The following FBXO11 variants were observed in gnomAD, a reference collection of about 807,000 sequenced individuals.
FBXO11 encodes F-box only protein 11.
FBXO11 carries 13 observed loss-of-function variants against 117.0 expected under a neutral mutation model. The observed-to-expected ratio is 0.11, with a 90% CI of 0.07 to 0.18. The LOEUF is 0.18. Ranked by LOEUF, FBXO11 falls within the 10% of genes least tolerant of loss-of-function variation. FBXO11 has a pLI of 1.00. For missense variants in FBXO11, 767 were observed against 1,164.4 expected (o/e 0.66, Z 4.97); for synonymous variants, 490 against 380.5 (o/e 1.29, Z -3.35).
chr2:47,874,341 C>T (rs1263259581), intron 1 of FBXO11, among the ~76,000 whole-genome samples: 1 of 152,040 alleles, frequency 6.6e-6, no homozygotes, highest in East Asian at 1.9e-4. Flanking sequence ...CTTTTCCTCT[C>T]ATGCTTTAAC....
chr2:47,905,623 G>T lies in FBXO11; in HGVS notation c.98C>A (p.Pro33Gln), dbSNP rs1558493395. ...QQQQPPQQPPPQPPQQQPPQQ... is the reference protein window; with the variant it reads ...QQQQPPQQPPQQPPQQQPPQQ... ...GGGCGGCTGCTGCTGGGGCGGCTGC[G>T]GCGGCGGCTGCTGCGGGGGCTGCTG... Residue 33 changes from proline (P) to glutamine (Q), a missense_variant, in exon 1 of 23, where the codon CCG becomes CAG. Coordinates refer to ENST00000403359, the MANE Select transcript of FBXO11 (RefSeq NM_001190274.2). 1.4e-5 allele frequency: 19 copies of T among 1,373,428 alleles called. 1 individual carries two copies. The highest frequency in any genetic ancestry group is 1.2e-4 in the South Asian group (7 of 60,718). The allele number at this position is 1,373,428 out of a possible 1,614,324, so 85.1% of individuals were successfully genotyped here. A position where few individuals can be genotyped will look rare whatever the true frequency, so the allele number is the denominator to read the frequency against.
chr2:47,874,106 T>TGGGA (rs747531191), intron 1 of FBXO11, among the ~76,000 whole-genome samples: 10 of 151,964 alleles, frequency 6.6e-5, no homozygotes, highest in Admixed American at 2.0e-4. Flanking sequence ...TCCAGCTACT[T>TGGGA]GGGAGGCTGA....
At chr2:47,890,411 T>C (rs1345126171) in intron 1 of FBXO11, among the ~76,000 whole-genome samples, 1 of 152,142 alleles carries the variant, frequency 6.6e-6, no homozygotes, top group Non-Finnish European at 1.5e-5. Context: ...CTTCCAACAT[T>C]AAAAATATGT....
chr2:47,889,986 G>A (rs1677140955), intron 1 of FBXO11, among the ~76,000 whole-genome samples: 3 of 152,058 alleles, frequency 2.0e-5, no homozygotes, highest in African/African-American at 2.4e-5. Context: ...TGCTACAGTC[G>A]CAAACTTATC....
chr2:47,833,124 G>T, intron 7 of FBXO11, 54 bp from the exon 8 acceptor site: 2 of 1,181,746 alleles, frequency 1.7e-6, no homozygotes, highest in South Asian at 1.2e-5. Flanking sequence ...CAACAGATGG[G>T]TATCTTTATG....
chr2:47,855,123 GTTAC>G (rs886848608), intron 1 of FBXO11, among the ~76,000 whole-genome samples: 3 of 151,908 alleles, frequency 2.0e-5, no homozygotes, highest in African/African-American at 7.3e-5. Flanking sequence ...TAGTGTTCAA[GTTAC>G]TTTCTTAGTA....
intron 1 of FBXO11, among the ~76,000 whole-genome samples, chr2:47,901,162 CATAT>C (rs1357826793): frequency 9.2e-6 from 1 of 108,236 alleles, no homozygotes; most frequent in African/African-American, 3.1e-5. Flanking sequence ...TACATATATA[CATAT>C]ATATGTATAT....
In FBXO11 at chr2:47,832,626, G is replaced by A. The variant is rs1672280072; in HGVS notation, c.1206C>T (p.His402=). The A allele has an allele frequency of 1.2e-6, 2 of 1,613,952 alleles. No homozygotes were observed. The highest frequency in any genetic ancestry group is 1.7e-6 in the Non-Finnish European group (2 of 1,179,958). Residue 402 remains histidine (H), a synonymous_variant, in exon 10 of 23, where the codon CAC becomes CAT. Transcript: ENST00000403359. ...CATTTTCACAGTCACTGATGTTACA[G>A]TGCTTGATGGTGGGACATGCTCCTT... The part of the protein sequence containing the change: ...SGQGACPTIK[H]CNISDCENVG...
At chr2:47,819,570 GTTCT>G (rs1470406015) in intron 14 of FBXO11, among the ~76,000 whole-genome samples, 7 of 152,034 alleles carry the variant, frequency 4.6e-5, no homozygotes, top group South Asian at 2.1e-4. Flanking sequence ...ATTTTATACT[GTTCT>G]TTAAGTGGTT....
intron 1 of FBXO11, among the ~76,000 whole-genome samples, chr2:47,870,832 G>A (rs979898146): frequency 6.6e-6 from 1 of 152,106 alleles, no homozygotes; most frequent in African/African-American, 2.4e-5. Flanking sequence ...CCAACTTCCT[G>A]CCACTACAAA....
chr2:47,863,003 T>C (rs967033357), intron 1 of FBXO11, among the ~76,000 whole-genome samples: 2 of 146,558 alleles, frequency 1.4e-5, no homozygotes, highest in African/African-American at 5.1e-5. Flanking sequence ...TGCAGTGAGC[T>C]GAGATCGCGC....
chr2:47,877,611 T>G (rs974081388), intron 1 of FBXO11, among the ~76,000 whole-genome samples: 1 of 152,164 alleles, frequency 6.6e-6, no homozygotes, highest in Non-Finnish European at 1.5e-5. Context: ...TTTGTGTGCT[T>G]ACCTTACCCT....
Position 47,905,679 on chromosome 2 carries a change from C to A in FBXO11, c.42G>T (p.Val14=). Residue 14 remains valine (V), a synonymous_variant, in exon 1 of 23, where the codon GTG becomes GTT. Coordinates refer to ENST00000403359, the MANE Select transcript of FBXO11 (RefSeq NM_001190274.2). The part of the protein sequence containing the change: ...VRAANRRPRR[V]SRPRPVQQQQ... Reference sequence around the variant, plus strand: ...GTTGCTGCACCGGGCGCGGCCGCGACACTCGCCTGGGTCTCCGGTTGGCGG... The same window carrying A: ...GTTGCTGCACCGGGCGCGGCCGCGAAACTCGCCTGGGTCTCCGGTTGGCGG... 2 of 1,510,598 alleles carry A rather than the reference C, an allele frequency of 1.3e-6. No homozygotes were observed. The highest frequency in any genetic ancestry group is 1.8e-6 in the Non-Finnish European group (2 of 1,131,856). 93.6% of individuals were successfully genotyped at this position (1,510,598 alleles called of 1,614,324 possible). A position where few individuals can be genotyped will look rare whatever the true frequency, so the allele number is the denominator to read the frequency against.
At chr2:47,813,039 C>T (rs1483695818) in intron 18 of FBXO11, 195 bp downstream of exon 18, 6 of 601,284 alleles carry the variant, frequency 1.0e-5, no homozygotes, top group Non-Finnish European at 3.0e-6. Flanking sequence ...CTCAAAGTGG[C>T]TACAAAAGGA....
Position 47,816,077 on chromosome 2 carries a change from C to A in FBXO11, c.2007-2210G>T, listed in dbSNP as rs55945411. Among the ~76,000 whole-genome samples the A allele has an allele frequency of 2.2e-3, 329 of 152,334 alleles. 1 individual carries two copies. Among genetic ancestry groups the A allele is most frequent in the Non-Finnish European group, 3.0e-3 (202 of 68,030 alleles). The stretch of plus-strand genomic sequence containing the variant: ...GCCCCATGGCCAAGGGCGGTGAGAA[C>A]CCTGGCGACCCCTTGGGTTGCACCT... On this transcript the variant is annotated intron_variant, in intron 16 of 22. Transcript: ENST00000403359.
In FBXO11 at chr2:47,906,025, G is replaced by A. The variant is rs1458029771; in HGVS notation, c.-305C>T. 3.4e-5 allele frequency: 10 copies of A among 292,472 alleles called. No individual in the cohort carries two copies. The highest frequency in any genetic ancestry group is 5.1e-5 in the Non-Finnish European group (8 of 156,074). 18.1% of individuals were successfully genotyped at this position (292,472 alleles called of 1,614,324 possible). A position where few individuals can be genotyped will look rare whatever the true frequency, so the allele number is the denominator to read the frequency against. On this transcript the variant is annotated 5_prime_UTR_variant, in exon 1 of 23. Transcript: ENST00000403359. The stretch of plus-strand genomic sequence containing the variant: ...AGAAAGACGGGCAGACCGAGAGAAA[G>A]AAAGAAAGGGCGTCCGCCGCTTGGG...
chr2:47,893,332 T>A (rs1416289036), intron 1 of FBXO11, among the ~76,000 whole-genome samples: 1 of 151,368 alleles, frequency 6.6e-6, no homozygotes, highest in African/African-American at 2.4e-5. Context: ...TATAAATATA[T>A]ATAAATCACA....
chr2:47,814,110 A>AT (rs1670835228), intron 16 of FBXO11: 2 of 389,994 alleles, frequency 5.1e-6, no homozygotes, highest in East Asian at 9.5e-5. Flanking sequence ...AAATGGGGTT[A>AT]TATTAAGTGA....
At chr2:47,867,281 G>A (rs1487987591) in intron 1 of FBXO11, among the ~76,000 whole-genome samples, 1 of 152,176 alleles carries the variant, frequency 6.6e-6, no homozygotes, top group East Asian at 1.9e-4. Flanking sequence ...GAAGAGCTCT[G>A]CTCCATAGAA....
Sources: gnomAD v4.1 joint callset for allele counts (sites outside exome capture counted in the v4.1 genomes callset) on GRCh38, gnomAD v4.1.1 for gene constraint, MANE v1.5 for transcripts, NCBI Gene and HGNC (gene_info 2026-07-23, HGNC 2026-07-21) for gene names.